SERPINI1: variants seen among roughly 807,000 people sequenced by gnomAD.
SERPINI1 encodes neuroserpin.
In SERPINI1, 19 loss-of-function variants were observed where a neutral mutation model predicts 41.1. The ratio of observed to expected loss-of-function variants is 0.46; its 90% confidence interval spans 0.32 to 0.68. SERPINI1 has a LOEUF of 0.68. Among genes scored for constraint, SERPINI1 ranks in the 30% least tolerant of loss-of-function variants. The pLI is 0.03. For missense variants in SERPINI1, 460 were observed against 479.2 expected (o/e 0.96, Z 0.37); for synonymous variants, 138 against 156.6 (o/e 0.88, Z 0.89).
At chr3:167,769,010 T>TTGTG (rs1726656006) in intron 1 of SERPINI1, among the ~76,000 whole-genome samples, 1 of 151,844 alleles carries the variant, frequency 6.6e-6, no homozygotes, top group South Asian at 2.1e-4. Flanking sequence ...GTTTGTTTGT[T>TTGTG]TTGAGATGGA....
chr3:167,787,976 A>T (rs1398783422), intron 1 of SERPINI1, among the ~76,000 whole-genome samples: 1 of 152,242 alleles, frequency 6.6e-6, no homozygotes, highest in Admixed American at 6.5e-5. Flanking sequence ...GGAGACTATT[A>T]ATGCTCAACC....
At chr3:167,783,333 A>G (rs1020179936) in intron 1 of SERPINI1, among the ~76,000 whole-genome samples, 6 of 152,188 alleles carry the variant, frequency 3.9e-5, no homozygotes, top group Admixed American at 6.5e-5. Flanking sequence ...ATGCTTTGAC[A>G]TTGAAAGAAA....
At chr3:167,825,093 A>G (rs1712470784) in intron 8 of SERPINI1, among the ~76,000 whole-genome samples, 154 bp from the exon 9 acceptor site, 1 of 151,614 alleles carries the variant, frequency 6.6e-6, no homozygotes, top group Non-Finnish European at 1.5e-5. Flanking sequence ...AAAAGGAAGG[A>G]AGAGAGAGAG....
At chr3:167,746,750 C>G (rs547583162) in intron 1 of SERPINI1, among the ~76,000 whole-genome samples, 59 of 152,296 alleles carry the variant, frequency 3.9e-4, no homozygotes, top group African/African-American at 1.3e-3. Flanking sequence ...GAGACAGACA[C>G]CTGTAACAAT....
rs1377107351 is a variant in SERPINI1 at position 167,793,590 on chromosome 3, A to ATTTT, written c.676+807_676+808insTTTT. On this transcript the variant is annotated intron_variant, in intron 4 of 8. Coordinates refer to ENST00000446050, the MANE Select transcript of SERPINI1 (RefSeq NM_001122752.2). Reference sequence around the variant, plus strand: ...TTTCTCTACAAATATATATATATATATATATATTTTTAATTAGCTAGGCAT... The same window carrying ATTTT: ...TTTCTCTACAAATATATATATATATATTTTTATATATTTTTAATTAGCTAGGCAT... Among the ~76,000 whole-genome samples the ATTTT allele has an allele frequency of 5.7e-4, 59 of 103,358 alleles. 1 individual carries two copies. The highest frequency in any genetic ancestry group is 2.7e-3 in the African/African-American group (57 of 21,102). The allele number at this position is 103,358 out of a possible 152,430, so 67.8% of individuals were successfully genotyped here.
At chr3:167,810,952 C>A (rs1393861423) in intron 6 of SERPINI1, among the ~76,000 whole-genome samples, 1 of 151,980 alleles carries the variant, frequency 6.6e-6, no homozygotes, top group Non-Finnish European at 1.5e-5. Flanking sequence ...TTTGTTCATC[C>A]CTATGAAGCA....
intron 6 of SERPINI1, among the ~76,000 whole-genome samples, chr3:167,813,528 C>T (rs1192423184): frequency 6.6e-6 from 1 of 152,136 alleles, no homozygotes; most frequent in Non-Finnish European, 1.5e-5. Context: ...ATCTTGCCTT[C>T]TCTGACTTTT....
chr3:167,757,854 G>C (rs1726241492), intron 1 of SERPINI1, among the ~76,000 whole-genome samples: 1 of 152,162 alleles, frequency 6.6e-6, no homozygotes, highest in Admixed American at 6.5e-5. Context: ...AGGAGGCGGA[G>C]ATTGCAGTGA....
At chr3:167,796,695 T>C (rs1227581667) in intron 5 of SERPINI1, among the ~76,000 whole-genome samples, 1 of 152,172 alleles carries the variant, frequency 6.6e-6, no homozygotes, top group East Asian at 1.9e-4. Context: ...TCTCATTCCT[T>C]TTTATGGCTG....
chr3:167,788,029 C>T (rs1280699483), intron 1 of SERPINI1, among the ~76,000 whole-genome samples: 1 of 152,174 alleles, frequency 6.6e-6, no homozygotes. Context: ...CTCAATATCA[C>T]TTGACATGTT....
intron 1 of SERPINI1, among the ~76,000 whole-genome samples, chr3:167,768,753 T>G (rs1192665258): frequency 1.3e-5 from 2 of 152,144 alleles, no homozygotes; most frequent in Non-Finnish European, 2.9e-5. Flanking sequence ...ATAGAATAGG[T>G]TACTATTTCT....
At chr3:167,756,755 T>C (rs1025285327) in intron 1 of SERPINI1, among the ~76,000 whole-genome samples, 1 of 152,232 alleles carries the variant, frequency 6.6e-6, no homozygotes, top group African/African-American at 2.4e-5. Flanking sequence ...CAATTTCTAG[T>C]CCACCACTGC....
chr3:167,745,414 G>A (rs1725834335), intron 1 of SERPINI1, among the ~76,000 whole-genome samples: 1 of 152,004 alleles, frequency 6.6e-6, no homozygotes, highest in Non-Finnish European at 1.5e-5. Flanking sequence ...CCTCCACGGG[G>A]TAAGTACATC....
chr3:167,824,117 C>T (rs1293172738), intron 7 of SERPINI1, among the ~76,000 whole-genome samples: 1 of 152,140 alleles, frequency 6.6e-6, no homozygotes, highest in Non-Finnish European at 1.5e-5. Flanking sequence ...TATTCTCCCC[C>T]TTCCTTTTAC....
intron 1 of SERPINI1, among the ~76,000 whole-genome samples, chr3:167,759,184 T>TTA: frequency 6.6e-6 from 1 of 152,228 alleles, no homozygotes; most frequent in East Asian, 1.9e-4. Context: ...TGTTCCCATT[T>TTA]TATAGACTTT....
intron 6 of SERPINI1, among the ~76,000 whole-genome samples, chr3:167,819,330 T>C (rs1009643410): frequency 6.6e-5 from 10 of 152,188 alleles, no homozygotes; most frequent in Admixed American, 5.2e-4. Context: ...TTGAAATTTA[T>C]GTGCTGATTT....
In SERPINI1 at chr3:167,772,893, T is replaced by TATATATATATATATACAC. The variant is rs1391850018; in HGVS notation, c.-18-16217_-18-16216insTATATATATATATACACA. ...ATATATATATATATATATATATATA[T>TATATATATATATATACAC]ACACACACACACACACACACACACA... On this transcript the variant is annotated intron_variant, in intron 1 of 8. Transcript: ENST00000446050. Among the ~76,000 whole-genome samples the TATATATATATATATACAC allele has an allele frequency of 1.7e-4, 9 of 52,216 alleles. 1 individual carries two copies. The highest frequency in any genetic ancestry group is 5.4e-4 in the East Asian group (1 of 1,840). 34.3% of individuals were successfully genotyped at this position (52,216 alleles called of 152,430 possible). A position where few individuals can be genotyped will look rare whatever the true frequency, so the allele number is the denominator to read the frequency against.
intron 1 of SERPINI1, among the ~76,000 whole-genome samples, chr3:167,783,201 C>T (rs1026936552): frequency 6.6e-6 from 1 of 152,138 alleles, no homozygotes; most frequent in Non-Finnish European, 1.5e-5. Context: ...AGAGGAAGAA[C>T]TGCCATTGTG....
intron 1 of SERPINI1, among the ~76,000 whole-genome samples, chr3:167,751,196 A>G (rs1273056433): frequency 6.6e-6 from 1 of 152,118 alleles, no homozygotes; most frequent in African/African-American, 2.4e-5. Flanking sequence ...TTAGGTAAGG[A>G]ATATCCTCTT....
Sources: gnomAD v4.1 joint callset for allele counts (sites outside exome capture counted in the v4.1 genomes callset) on GRCh38, gnomAD v4.1.1 for gene constraint, MANE v1.5 for transcripts, NCBI Gene and HGNC (gene_info 2026-07-23, HGNC 2026-07-21) for gene names.